The following CSMD1 variants were observed in gnomAD, a reference collection of about 807,000 sequenced individuals.
CSMD1 encodes the protein CUB and Sushi multiple domains 1, also known as CUB and sushi domain-containing protein 1.
CSMD1 carries 213 observed loss-of-function variants against 417.5 expected under a neutral mutation model. The observed-to-expected ratio is 0.51, with a 90% confidence interval of 0.46 to 0.57. The LOEUF (loss-of-function observed/expected upper bound fraction) is 0.57. CSMD1 is among the 20% of genes least tolerant of loss of function. CSMD1 has a pLI of 0.00. For synonymous variants in CSMD1, 2,862 were observed against 1,736.8 expected, an observed-to-expected ratio of 1.65 and a Z score of -16.11; for missense variants, 6,923 against 4,529.7, an observed-to-expected ratio of 1.53 and a Z score of -15.17.
intron 2 of CSMD1, among the ~76,000 whole-genome samples, chr8:4,588,013 T>C (rs1799789941): frequency 6.6e-6 from 1 of 152,144 alleles, no homozygotes; most frequent in Non-Finnish European, 1.5e-5. Context: ...TGCAGCACCA[T>C]TTAAGCAAGC....
At chr8:3,608,363 G>T (rs905684653) in intron 8 of CSMD1, among the ~76,000 whole-genome samples, 2 of 152,090 alleles carry the variant, frequency 1.3e-5, no homozygotes, top group African/African-American at 4.8e-5. Context: ...AAGGGACATG[G>T]AAGCAGTTGA....
chr8:3,729,332 G>T (rs1802684070), intron 6 of CSMD1, among the ~76,000 whole-genome samples: 1 of 152,314 alleles, frequency 6.6e-6, no homozygotes, highest in Middle Eastern at 3.4e-3. Context: ...GGGCTTCGGA[G>T]TGAGACTTTG....
chr8:4,513,419 A>C (rs996425754), intron 2 of CSMD1, among the ~76,000 whole-genome samples: 3 of 152,178 alleles, frequency 2.0e-5, no homozygotes, highest in Non-Finnish European at 4.4e-5. Context: ...TTTTAATTCT[A>C]CTAATGATCA....
chr8:2,965,757 A>G lies in CSMD1; in HGVS notation c.9280+18T>C, dbSNP rs753105367. On this transcript the variant is annotated intron_variant, in intron 59 of 69. Coordinates refer to ENST00000635120, the MANE Select transcript of CSMD1 (RefSeq NM_033225.6). ...CTTCTATACACATCTGTAAAATCCA[A>G]AGAGTCACCAAACAAACCTTTGCAG... is the stretch of plus-strand genomic sequence containing the variant. The G allele has an allele frequency of 7.6e-6, 12 of 1,586,492 alleles. No homozygotes were observed. Among genetic ancestry groups the G allele is most frequent in the Non-Finnish European group, 8.6e-6 (10 of 1,164,408 alleles).
At chr8:4,363,081 G>C (rs1341740024) in intron 3 of CSMD1, among the ~76,000 whole-genome samples, 1 of 152,132 alleles carries the variant, frequency 6.6e-6, no homozygotes, top group Admixed American at 6.6e-5. Flanking sequence ...GAGCAGCCAG[G>C]TCACAGTGGA....
intron 3 of CSMD1, among the ~76,000 whole-genome samples, chr8:4,248,292 A>AG: frequency 6.6e-6 from 1 of 152,228 alleles, no homozygotes; most frequent in African/African-American, 2.4e-5. Flanking sequence ...TTATACAAAC[A>AG]ATCTGAATTT....
intron 3 of CSMD1, among the ~76,000 whole-genome samples, chr8:4,067,869 G>A (rs950381035): frequency 1.3e-5 from 2 of 152,128 alleles, no homozygotes; most frequent in African/African-American, 4.8e-5. Context: ...ATGAGGTCAA[G>A]AGATGGAGAC....
chr8:3,851,845 G>A (rs1803930865), intron 5 of CSMD1, among the ~76,000 whole-genome samples: 3 of 152,134 alleles, frequency 2.0e-5, no homozygotes, highest in Admixed American at 2.0e-4. Flanking sequence ...AGGAGGGTCG[G>A]GTGGGAGCAG....
At chr8:3,922,200 C>G (rs1049271734) in intron 5 of CSMD1, among the ~76,000 whole-genome samples, 1 of 152,082 alleles carries the variant, frequency 6.6e-6, no homozygotes, top group Non-Finnish European at 1.5e-5. Flanking sequence ...CAACCCTACT[C>G]TCTTCTTTTT....
intron 3 of CSMD1, among the ~76,000 whole-genome samples, chr8:4,357,071 G>T (rs1801471459): frequency 6.6e-6 from 1 of 152,140 alleles, no homozygotes; most frequent in African/African-American, 2.4e-5. Context: ...ACTGAAGGAA[G>T]AATAATATGA....
At chr8:3,292,021 GT>G (rs1803614557) in intron 25 of CSMD1, among the ~76,000 whole-genome samples, 1 of 151,820 alleles carries the variant, frequency 6.6e-6, no homozygotes, top group African/African-American at 2.4e-5. Flanking sequence ...ATTCTGGTAT[GT>G]TGTGTCTTTG....
chr8:4,311,722 C>CAAAAAAAAAAA (rs35480252), intron 3 of CSMD1, among the ~76,000 whole-genome samples: 2 of 110,312 alleles, frequency 1.8e-5, no homozygotes, highest in African/African-American at 3.3e-5. Context: ...GACTCAGTCT[C>CAAAAAAAAAAA]AAAAAAAAAA....
At chr8:3,984,172 T>C (rs1814132749) in intron 5 of CSMD1, among the ~76,000 whole-genome samples, 1 of 68,178 alleles carries the variant, frequency 1.5e-5, no homozygotes, top group Non-Finnish European at 3.1e-5. Flanking sequence ...TCGCAGAAAA[T>C]TCAGGTCAGG....
rs181412506 is a variant in CSMD1 at position 3,811,706 on chromosome 8, G to T, written c.819-57664C>A. Reference sequence around the variant, plus strand: ...ACTAGATGGATGTTTGTTTTTGTAGGAAAATTGTGAAAGCGGATTTCACAA... The same window carrying T: ...ACTAGATGGATGTTTGTTTTTGTAGTAAAATTGTGAAAGCGGATTTCACAA... On this transcript the variant is annotated intron_variant, in intron 5 of 69. Transcript: ENST00000635120. Among the ~76,000 whole-genome samples, 6 of 152,148 alleles carry T rather than the reference G, an allele frequency of 3.9e-5. No homozygotes were observed. In the East Asian group the frequency reaches 1.2e-3, roughly 29 times the overall value.
rs555363170 is a variant in CSMD1, at chr8:3,697,440, G to C, written c.1009+10974C>G. 5.3e-5 allele frequency among the ~76,000 whole-genome samples: 8 copies of C among 152,182 alleles called. No homozygotes were observed. The South Asian group carries it at 1.5e-3, about 28-fold the overall frequency. The stretch of plus-strand genomic sequence containing the variant: ...GTCTCTTCGTTATGTTTATATCAAG[G>C]CTAATTAATTATCTTGCTGACTTAG... On this transcript the variant is annotated intron_variant, in intron 7 of 69. Transcript: ENST00000635120.
chr8:4,457,035 C>G (rs1017413249), intron 2 of CSMD1, among the ~76,000 whole-genome samples: 8 of 150,668 alleles, frequency 5.3e-5, no homozygotes, highest in African/African-American at 1.7e-4. Context: ...ATCGCTGATT[C>G]CTGGAGCATC....
In CSMD1 at chr8:3,407,929, T is replaced by A; in HGVS notation, c.2041A>T (p.Thr681Ser). ...RLEFQSDHSTTGRGFNITYTT... is the reference protein window; with the variant it reads ...RLEFQSDHSTSGRGFNITYTT... ...TAAGTGATGTTGAACCCTCTGCCAG[T>A]AGTGGAATGGTCAGACTGAAATTCC... Residue 681 changes from threonine (T) to serine (S), a missense_variant, in exon 14 of 70, where the codon ACT becomes TCT. Transcript: ENST00000635120. 1 of 1,612,814 alleles carries A rather than the reference T, an allele frequency of 6.2e-7. No homozygotes were observed. Among genetic ancestry groups the A allele is most frequent in the South Asian group, 1.1e-5 (1 of 90,884 alleles).
At chr8:4,161,181 A>T (rs894135408) in intron 3 of CSMD1, among the ~76,000 whole-genome samples, 1 of 152,168 alleles carries the variant, frequency 6.6e-6, no homozygotes. Flanking sequence ...AAGTACTTGC[A>T]ATGTGCTACT....
chr8:4,178,142 G>T (rs572328260), intron 3 of CSMD1, among the ~76,000 whole-genome samples: 2 of 152,136 alleles, frequency 1.3e-5, no homozygotes, highest in African/African-American at 4.8e-5. Context: ...GAGAATTTTA[G>T]ACCAATATCC....
Sources: allele counts gnomAD v4.1 joint callset (sites outside exome capture counted in the v4.1 genomes callset), GRCh38; gene constraint gnomAD v4.1.1; transcripts MANE v1.5; gene names NCBI Gene and HGNC (gene_info 2026-07-23, HGNC 2026-07-21).